Variants in IKZF2 observed in about 807,000 individuals in gnomAD.
IKZF2 encodes the protein zinc finger protein Helios.
A neutral mutation model predicts 49.2 loss-of-function variants in IKZF2; 15 were observed. That is an observed-to-expected ratio of 0.30 (90% CI 0.20 to 0.47). The LOEUF is 0.47. Among genes scored for constraint, IKZF2 ranks in the 20% least tolerant of loss-of-function variants. The pLI is 1.00. For synonymous variants in IKZF2, 227 were observed against 221.4 expected, an observed-to-expected ratio of 1.03 and a Z score of -0.23; for missense variants, 567 against 664.6, an observed-to-expected ratio of 0.85 and a Z score of 1.61.
chr2:213,071,461 T>C (rs1294695663), intron 4 of IKZF2, among the ~76,000 whole-genome samples: 1 of 152,138 alleles, frequency 6.6e-6, no homozygotes, highest in Non-Finnish European at 1.5e-5. Flanking sequence ...TGATAAAATG[T>C]GAGTGTTCAT....
intron 6 of IKZF2, among the ~76,000 whole-genome samples, chr2:213,031,449 G>A (rs1482957179): frequency 6.6e-6 from 1 of 152,166 alleles, no homozygotes; most frequent in Non-Finnish European, 1.5e-5. Context: ...ACAGACATTT[G>A]AAAGCAAAAG....
chr2:213,007,298 G>A lies in IKZF2; in HGVS notation c.*62C>T. The stretch of plus-strand genomic sequence containing the variant: ...CATTTGAGGAAAGGTGGGATTGTAA[G>A]TGCAGTATTTCTTCATGTGCAGTTC... On this transcript the variant is annotated 3_prime_UTR_variant, in exon 9 of 9. Coordinates refer to ENST00000434687, the MANE Select transcript of IKZF2 (RefSeq NM_001387220.1). 6.6e-7 allele frequency: 1 copy of A among 1,510,646 alleles called. No homozygotes were observed. The highest frequency in any genetic ancestry group is 2.0e-5 in the Admixed American group (1 of 49,122). 93.6% of individuals were successfully genotyped at this position (1,510,646 alleles called of 1,614,324 possible).
chr2:213,014,790 T>G (rs776596811), intron 7 of IKZF2: 1 of 151,982 alleles, frequency 6.6e-6, no homozygotes, highest in African/African-American at 2.4e-5. Flanking sequence ...TAATTAAGGA[T>G]AGGGTAACAA....
Position 213,057,028 on chromosome 2 carries a change from T to G in IKZF2, c.211A>C (p.Ile71Leu), listed in dbSNP as rs768308600. ...CTGCTACCCTCATCATGGCCCCTGATCTCATCTTCACGGCTCAGGGGTTTC... is the reference window on the plus strand; with the variant it reads ...CTGCTACCCTCATCATGGCCCCTGAGCTCATCTTCACGGCTCAGGGGTTTC... ...DRKPLSREDE[I>L]RGHDEGSSLE... is the part of the protein sequence containing the mutation. The change falls in exon 5 of 9, where the codon ATC (isoleucine) becomes CTC (leucine). Residue 71 changes from isoleucine (I) to leucine (L), a missense_variant. This residue lies in a region of IKZF2 where 156 missense variants were observed against 138.5 expected (regional missense o/e 1.13). Coordinates refer to ENST00000434687, the MANE Select transcript of IKZF2 (RefSeq NM_001387220.1). 2.5e-5 allele frequency: 40 copies of G among 1,613,750 alleles called. No homozygotes were observed. The highest frequency in any genetic ancestry group is 3.1e-5 in the Non-Finnish European group (37 of 1,179,898).
intron 5 of IKZF2, chr2:213,056,605 G>C: frequency 3.0e-6 from 2 of 660,900 alleles, no homozygotes; most frequent in Non-Finnish European, 5.4e-6. Context: ...ATTAAGAACT[G>C]TGGAAACTGA....
intron 6 of IKZF2, among the ~76,000 whole-genome samples, chr2:213,043,003 G>T (rs1699811302): frequency 6.6e-6 from 1 of 151,962 alleles, no homozygotes; most frequent in African/African-American, 2.4e-5. Flanking sequence ...AGAAACCATG[G>T]AAAATGCTTA....
At chr2:213,011,631 CAG>C (rs1287327390) in intron 8 of IKZF2, among the ~76,000 whole-genome samples, 2 of 151,944 alleles carry the variant, frequency 1.3e-5, no homozygotes, top group South Asian at 2.1e-4. Context: ...AGCATGTTTG[CAG>C]AGAGTACAGA....
chr2:213,066,766 A>G (rs1342383506), intron 4 of IKZF2, among the ~76,000 whole-genome samples: 2 of 152,096 alleles, frequency 1.3e-5, no homozygotes, highest in Admixed American at 1.3e-4. Context: ...TAATGAATGA[A>G]TGAGCATTTT....
At chr2:213,140,515 A>T (rs908332623) in intron 4 of IKZF2, among the ~76,000 whole-genome samples, 3 of 151,982 alleles carry the variant, frequency 2.0e-5, no homozygotes, top group African/African-American at 7.2e-5. Context: ...TTTCAATAGC[A>T]TATTTATTTA....
chr2:213,074,034 A>G (rs1349697795), intron 4 of IKZF2, among the ~76,000 whole-genome samples: 1 of 152,328 alleles, frequency 6.6e-6, no homozygotes, highest in Non-Finnish European at 1.5e-5. Context: ...TATCCAGAGC[A>G]CTGATTTAAA....
chr2:213,020,449 G>A (rs760163450), intron 7 of IKZF2, among the ~76,000 whole-genome samples: 1 of 151,970 alleles, frequency 6.6e-6, no homozygotes, highest in African/African-American at 2.4e-5. Context: ...AGCCAGAGCA[G>A]GTTTGGCAGA....
chr2:213,097,558 G>A (rs935093403), intron 4 of IKZF2, among the ~76,000 whole-genome samples: 1 of 151,998 alleles, frequency 6.6e-6, no homozygotes, highest in Admixed American at 6.6e-5. Flanking sequence ...TTATTCAAAT[G>A]ACTTTTAAGA....
intron 4 of IKZF2, among the ~76,000 whole-genome samples, chr2:213,110,791 A>G (rs6731521): frequency 2.0e-5 from 3 of 151,998 alleles, no homozygotes; most frequent in Non-Finnish European, 4.4e-5. Context: ...AGCCTTGCCA[A>G]CACAGCATGA....
intron 4 of IKZF2, among the ~76,000 whole-genome samples, chr2:213,112,826 C>A (rs1338657435): frequency 6.6e-6 from 1 of 152,084 alleles, no homozygotes; most frequent in African/African-American, 2.4e-5. Context: ...CTTTTAATTG[C>A]ACCTCAGTTT....
At chr2:213,019,482 T>TAC (rs1239149106) in intron 7 of IKZF2, among the ~76,000 whole-genome samples, 5 of 152,176 alleles carry the variant, frequency 3.3e-5, no homozygotes, top group Admixed American at 6.5e-5. Flanking sequence ...TATCAACTCC[T>TAC]ACCTCGTATG....
At chr2:213,022,262 T>A in intron 6 of IKZF2, 132 bp from the exon 7 acceptor site, 1 of 814,294 alleles carries the variant, frequency 1.2e-6, no homozygotes, top group East Asian at 3.0e-5. Flanking sequence ...CTCCTTTACA[T>A]TCCAATTTTG....
chr2:213,096,268 C>T (rs901736726), intron 4 of IKZF2, among the ~76,000 whole-genome samples: 7 of 151,860 alleles, frequency 4.6e-5, no homozygotes, highest in Admixed American at 2.6e-4. Context: ...CATGGCCCCA[C>T]CAAAATAAAG....
intron 4 of IKZF2, among the ~76,000 whole-genome samples, chr2:213,072,035 AATAGC>A (rs1702761849): frequency 1.3e-5 from 2 of 152,096 alleles, no homozygotes; most frequent in Non-Finnish European, 2.9e-5. Flanking sequence ...GGTCAAAAAT[AATAGC>A]TTGGTTAAAA....
chr2:213,047,574 G>A (rs1052806116), intron 6 of IKZF2, among the ~76,000 whole-genome samples: 5 of 152,016 alleles, frequency 3.3e-5, no homozygotes, highest in African/African-American at 9.7e-5. Context: ...AAAGAAGAAT[G>A]TTTTCTCCAG....
Sources: allele counts gnomAD v4.1 joint callset (sites outside exome capture counted in the v4.1 genomes callset), GRCh38; gene constraint gnomAD v4.1.1; regional missense constraint gnomAD v4.1.1; transcripts MANE v1.5; gene names NCBI Gene and HGNC (gene_info 2026-07-23, HGNC 2026-07-21).